Variants in PLCB4 observed in about 807,000 individuals in gnomAD.
PLCB4 encodes 1-phosphatidylinositol 4,5-bisphosphate phosphodiesterase beta-4.
A neutral mutation model predicts 178.8 loss-of-function variants in PLCB4; 77 were observed. The ratio of observed to expected loss-of-function variants is 0.43; its 90% CI spans 0.36 to 0.52. The LOEUF (loss-of-function observed/expected upper bound fraction) is 0.52. Ranked by LOEUF, PLCB4 falls within the 20% of genes least tolerant of loss-of-function variation. The probability of loss-of-function intolerance (pLI) is 0.00; values close to 1 mark genes in which losing one functional copy is unlikely to be tolerated. For missense variants in PLCB4, 1,024 were observed against 1,453.4 expected (o/e 0.70, Z 4.80); for synonymous variants, 496 against 490.8 (o/e 1.01, Z -0.14).
chr20:9,207,425 G>C, intron 2 of PLCB4, among the ~76,000 whole-genome samples: 1 of 152,150 alleles, frequency 6.6e-6, no homozygotes, highest in Non-Finnish European at 1.5e-5. Flanking sequence ...CAACCTAGTC[G>C]TGCAAATGAG....
At chr20:9,178,286 A>G (rs1255926076) in intron 2 of PLCB4, among the ~76,000 whole-genome samples, 3 of 152,192 alleles carry the variant, frequency 2.0e-5, no homozygotes, top group Non-Finnish European at 2.9e-5. Context: ...GCACCACTGT[A>G]CTCCAGCCTG....
At chr20:9,422,692 GT>G in intron 27 of PLCB4, among the ~76,000 whole-genome samples, 1 of 152,198 alleles carries the variant, frequency 6.6e-6, no homozygotes, top group African/African-American at 2.4e-5. Context: ...AAGTTAAATC[GT>G]TTTTTTCATT....
At chr20:9,334,964 A>G (rs2032243495) in intron 4 of PLCB4, among the ~76,000 whole-genome samples, 1 of 152,174 alleles carries the variant, frequency 6.6e-6, no homozygotes, top group South Asian at 2.1e-4. Flanking sequence ...CACTCTCAAA[A>G]TAAGTTGGAA....
intron 2 of PLCB4, among the ~76,000 whole-genome samples, chr20:9,174,811 T>A (rs2093126989): frequency 6.6e-6 from 1 of 152,204 alleles, no homozygotes; most frequent in Non-Finnish European, 1.5e-5. Flanking sequence ...TGTTTGCTGA[T>A]AAGAGAGTGG....
intron 3 of PLCB4, among the ~76,000 whole-genome samples, chr20:9,224,153 T>C (rs1257607528): frequency 6.6e-6 from 1 of 152,218 alleles, no homozygotes; most frequent in Non-Finnish European, 1.5e-5. Context: ...TGTGCGAAGA[T>C]AATATTGCAA....
At chr20:9,290,872 A>G (rs2094574182) in intron 3 of PLCB4, among the ~76,000 whole-genome samples, 1 of 152,166 alleles carries the variant, frequency 6.6e-6, no homozygotes, top group African/African-American at 2.4e-5. Context: ...TCACAGAGAT[A>G]AAACTAATAT....
chr20:9,257,220 G>A (rs2094245183), intron 3 of PLCB4, among the ~76,000 whole-genome samples: 1 of 152,048 alleles, frequency 6.6e-6, no homozygotes, highest in Non-Finnish European at 1.5e-5. Flanking sequence ...TCTTTCTTTG[G>A]TGTAGACTAC....
At chr20:9,330,615 C>T (rs1170441640) in intron 4 of PLCB4, among the ~76,000 whole-genome samples, 2 of 152,250 alleles carry the variant, frequency 1.3e-5, no homozygotes, top group African/African-American at 4.8e-5. Context: ...AACCTTTTTC[C>T]CCCCTTCTCT....
chr20:9,173,276 A>T (rs910682109), intron 2 of PLCB4, among the ~76,000 whole-genome samples: 11 of 152,232 alleles, frequency 7.2e-5, no homozygotes, highest in African/African-American at 2.2e-4. Context: ...TGTTTTGACC[A>T]TACTTTTGGT....
intron 3 of PLCB4, among the ~76,000 whole-genome samples, chr20:9,306,634 GT>G (rs1414676490): frequency 2.0e-5 from 3 of 152,210 alleles, no homozygotes; most frequent in African/African-American, 7.2e-5. Context: ...CTTTCCTTGG[GT>G]GTAAGTTTTA....
chr20:9,099,686 C>T (rs2091067537), intron 2 of PLCB4, among the ~76,000 whole-genome samples: 1 of 152,102 alleles, frequency 6.6e-6, no homozygotes, highest in South Asian at 2.1e-4. Context: ...GGCTTTGCCC[C>T]TGGGGTCCTG....
chr20:9,351,337 T>C (rs1266095429), intron 7 of PLCB4, among the ~76,000 whole-genome samples: 2 of 152,206 alleles, frequency 1.3e-5, no homozygotes, highest in East Asian at 3.9e-4. Flanking sequence ...AAGAAAGCTA[T>C]TCAGCTGTTT....
chr20:9,117,762 G>T (rs2091828509), intron 2 of PLCB4, among the ~76,000 whole-genome samples: 1 of 152,070 alleles, frequency 6.6e-6, no homozygotes, highest in African/African-American at 2.4e-5. Context: ...CTTTGCATTG[G>T]CAGCTCCCCC....
intron 3 of PLCB4, among the ~76,000 whole-genome samples, chr20:9,270,953 C>A (rs1397984716): frequency 6.6e-6 from 1 of 152,220 alleles, no homozygotes; most frequent in East Asian, 1.9e-4. Context: ...CACAGACAGC[C>A]TTTCTTCCAG....
chr20:9,225,073 T>G (rs1485406989), intron 3 of PLCB4, among the ~76,000 whole-genome samples: 1 of 152,082 alleles, frequency 6.6e-6, no homozygotes, highest in Non-Finnish European at 1.5e-5. Flanking sequence ...GATTAAAAAA[T>G]GCTGATGGAT....
intron 38 of PLCB4, among the ~76,000 whole-genome samples, chr20:9,476,034 G>A (rs150787797): frequency 1.3e-5 from 2 of 152,250 alleles, no homozygotes; most frequent in Non-Finnish European, 2.9e-5. Context: ...GTTTCTTTCT[G>A]TTCTCCTGTG....
At chr20:9,093,327 A>G (rs939550331) in intron 1 of PLCB4, among the ~76,000 whole-genome samples, 2 of 151,792 alleles carry the variant, frequency 1.3e-5, no homozygotes, top group Non-Finnish European at 2.9e-5. Context: ...TATTAACCCT[A>G]CCCTCCCTCC....
chr20:9,407,602 C>G (rs1344450753), intron 21 of PLCB4, among the ~76,000 whole-genome samples: 1 of 152,094 alleles, frequency 6.6e-6, no homozygotes, highest in Non-Finnish European at 1.5e-5. Context: ...AACTCCTGGC[C>G]TCCCAAAGTG....
chr20:9,127,618 T>A (rs1051197499), intron 2 of PLCB4, among the ~76,000 whole-genome samples: 14 of 150,088 alleles, frequency 9.3e-5, no homozygotes, highest in South Asian at 4.2e-4. Flanking sequence ...ATTTAACTTT[T>A]AAAAAAAACG....
Sources: allele counts gnomAD v4.1 joint callset (sites outside exome capture counted in the v4.1 genomes callset), GRCh38; gene constraint gnomAD v4.1.1; transcripts MANE v1.5; gene names NCBI Gene and HGNC (gene_info 2026-07-23, HGNC 2026-07-21).